The following RAB1B variants were observed in gnomAD, a reference collection of about 807,000 sequenced individuals.
RAB1B encodes ras-related protein Rab-1B.
Under a neutral mutation model 24.8 loss-of-function variants are expected in RAB1B, and 10 were observed. That is an observed-to-expected ratio of 0.40 (90% CI 0.25 to 0.68). RAB1B has a LOEUF of 0.68. Among genes scored for constraint, RAB1B ranks in the 30% least tolerant of loss-of-function variants. RAB1B has a pLI of 0.37. For missense variants in RAB1B, 154 were observed against 271.2 expected, an observed-to-expected ratio of 0.57 and a Z score of 3.04; for synonymous variants, 99 against 111.7, an observed-to-expected ratio of 0.89 and a Z score of 0.72.
chr11:66,276,210 T>C lies in RAB1B; in HGVS notation c.578T>C (p.Val193Ala). The change falls in exon 6 of 6, where the codon GTA becomes GCA. Residue 193 changes from valine to alanine, a missense_variant. Physicochemically the swap from Val to Ala is moderately conservative, Grantham distance 64 (BLOSUM62 0). This residue lies in a region of RAB1B where 77 missense variants were observed against 97.8 expected (regional missense o/e 0.79). Coordinates refer to ENST00000311481, the MANE Select transcript of RAB1B (RefSeq NM_030981.3). ...RPNLKIDSTP[V>A]KPAGGGCC is the part of the protein sequence containing the mutation. The stretch of plus-strand genomic sequence containing the variant: ...AATCTCAAGATCGACAGCACCCCTG[T>C]AAAGCCGGCTGGCGGTGGCTGTTGC... 6.3e-7 allele frequency: 1 copy of C among 1,598,298 alleles called. No homozygotes were observed. Among genetic ancestry groups the C allele is most frequent in the Non-Finnish European group, 8.5e-7 (1 of 1,174,888 alleles).
chr11:66,274,498 G>A (rs1857110218), intron 4 of RAB1B, among the ~76,000 whole-genome samples: 1 of 152,144 alleles, frequency 6.6e-6, no homozygotes, highest in African/African-American at 2.4e-5. Context: ...TGCTTCCCTG[G>A]CTCAGTGCAC....
chr11:66,275,652 G>GA, intron 4 of RAB1B, 152 bp from the exon 5 acceptor site: 1 of 828,040 alleles, frequency 1.2e-6, no homozygotes, highest in Non-Finnish European at 1.8e-6. Flanking sequence ...GTTCAGCCTG[G>GA]AGCAGAGGGC....
intron 1 of RAB1B, chr11:66,269,878 T>C (rs1308988462): frequency 6.6e-6 from 1 of 152,172 alleles, no homozygotes; most frequent in African/African-American, 2.4e-5. Context: ...TTTTGCCTTT[T>C]TTTTTTTTTA....
chr11:66,272,869 A>T (rs1857083776), intron 4 of RAB1B, among the ~76,000 whole-genome samples: 1 of 152,230 alleles, frequency 6.6e-6, no homozygotes, highest in Non-Finnish European at 1.5e-5. Flanking sequence ...GGCCTTAGAC[A>T]AAGAAGCAGG....
At chr11:66,268,831 C>CA in intron 1 of RAB1B, 138 bp downstream of exon 1, 2 of 928,904 alleles carry the variant, frequency 2.2e-6, no homozygotes, top group Admixed American at 4.5e-5. Flanking sequence ...GACCCCCCCC[C>CA]ACATCCGGGT....
At chr11:66,272,652 A>G (rs1857079716) in intron 4 of RAB1B, 192 bp downstream of exon 4, 2 of 445,122 alleles carry the variant, frequency 4.5e-6, no homozygotes, top group South Asian at 8.0e-5. Flanking sequence ...GGAGGGAAAC[A>G]GCCACAGAAA....
intron 4 of RAB1B, among the ~76,000 whole-genome samples, chr11:66,274,880 C>T (rs776444086): frequency 1.3e-5 from 2 of 151,700 alleles, no homozygotes. Context: ...CACATGCTGG[C>T]TCCCCAGCTG....
rs201011194 is a variant in RAB1B, at chr11:66,275,959, G to A, written c.411+24G>A. On this transcript the variant is annotated intron_variant, in intron 5 of 5. Transcript: ENST00000311481. ...AGGTAGCAGACGGGCCGGTCTGCCC[G>A]GGGTCGGGGCGCTGGGGCCTGCTGC... is the stretch of plus-strand genomic sequence containing the variant. The A allele has an allele frequency of 1.9e-3, 2,997 of 1,610,136 alleles. 4 individuals carry two copies. Among genetic ancestry groups the A allele is most frequent in the Non-Finnish European group, 2.3e-3 (2,732 of 1,178,718 alleles).
intron 2 of RAB1B, 61 bp from the exon 3 acceptor site, chr11:66,272,096 G>T: frequency 8.0e-7 from 1 of 1,254,294 alleles, no homozygotes. Flanking sequence ...CTGGAGGGAG[G>T]CTCTCCAAGT....
intron 1 of RAB1B, among the ~76,000 whole-genome samples, 161 bp downstream of exon 1, chr11:66,268,854 C>A (rs1020135027): frequency 6.9e-6 from 1 of 144,448 alleles, no homozygotes; most frequent in African/African-American, 2.5e-5. Flanking sequence ...TGCCCCTCCC[C>A]CCAGGGGCCC....
At chr11:66,271,748 T>C (rs368502429) in intron 1 of RAB1B, 49 bp from the exon 2 acceptor site, 1 of 1,298,990 alleles carries the variant, frequency 7.7e-7, no homozygotes, top group Non-Finnish European at 1.1e-6. Context: ...AGGATGATGG[T>C]AGGTGGGCTC....
chr11:66,274,259 C>T (rs1371438871), intron 4 of RAB1B, among the ~76,000 whole-genome samples: 3 of 152,164 alleles, frequency 2.0e-5, no homozygotes, highest in African/African-American at 7.2e-5. Flanking sequence ...AAATCTGTCC[C>T]CTCATAATAA....
chr11:66,271,699 A>G, intron 1 of RAB1B, 98 bp from the exon 2 acceptor site: 2 of 816,488 alleles, frequency 2.4e-6, no homozygotes, highest in Non-Finnish European at 4.2e-6. Context: ...AAACCAAGGG[A>G]TGCCTCATGG....
At chr11:66,269,542 C>T (rs989584953) in intron 1 of RAB1B, among the ~76,000 whole-genome samples, 8 of 152,212 alleles carry the variant, frequency 5.3e-5, no homozygotes, top group African/African-American at 1.7e-4. Flanking sequence ...CTGCCACTTC[C>T]TTTTTCTACT....
intron 4 of RAB1B, 134 bp downstream of exon 4, chr11:66,272,594 T>G: frequency 1.7e-6 from 1 of 589,794 alleles, no homozygotes; most frequent in Non-Finnish European, 2.9e-6. Flanking sequence ...AGGAACTAAC[T>G]AGGAAAAAGA....
At position 66,276,181 on chromosome 11, in the gene RAB1B, G is replaced by T. The variant is rs1857140856; in HGVS notation, c.549G>T (p.Arg183=). The change falls in exon 6 of 6, where the codon CGG becomes CGT. Residue 183 remains arginine, a synonymous_variant. Coordinates refer to ENST00000311481, the MANE Select transcript of RAB1B (RefSeq NM_030981.3). ...CTGGAGCAGCCTCTGGGGGCGAGCG[G>T]CCCAATCTCAAGATCGACAGCACCC... ...MGPGAASGGE[R]PNLKIDSTPV... 6.2e-7 allele frequency: 1 copy of T among 1,605,474 alleles called. No homozygotes were observed. Among genetic ancestry groups the T allele is most frequent in the Non-Finnish European group, 8.5e-7 (1 of 1,177,698 alleles).
At chr11:66,273,504 C>CT (rs1326630291) in intron 4 of RAB1B, among the ~76,000 whole-genome samples, 4 of 152,232 alleles carry the variant, frequency 2.6e-5, no homozygotes, top group Admixed American at 2.0e-4. Flanking sequence ...ACTCGATTCT[C>CT]TATTGTCAGT....
rs201623832 is a variant in RAB1B at position 66,271,779 on chromosome 11, C to G, written c.15-18C>G. The G allele has an allele frequency of 6.2e-7, 1 of 1,609,304 alleles. No individual in the cohort carries two copies. Among genetic ancestry groups the G allele is most frequent in the African/African-American group, 1.3e-5 (1 of 74,930 alleles). On this transcript the variant is annotated intron_variant, in intron 1 of 5. Coordinates refer to ENST00000311481, the MANE Select transcript of RAB1B (RefSeq NM_030981.3). ...GGCTCCCTGCCTCCCTTCACGCCTT[C>G]CCATCTTCTCTCTCCAGTGACTACC...
intron 4 of RAB1B, among the ~76,000 whole-genome samples, chr11:66,272,804 T>C (rs2134863339): frequency 6.6e-6 from 1 of 152,250 alleles, no homozygotes; most frequent in Non-Finnish European, 1.5e-5. Flanking sequence ...GGTTGGCTGC[T>C]ATGCTGGGCC....
Sources: gnomAD v4.1 joint callset for allele counts (sites outside exome capture counted in the v4.1 genomes callset) on GRCh38, gnomAD v4.1.1 for gene constraint, gnomAD v4.1.1 regional missense constraint, MANE v1.5 for transcripts, NCBI Gene and HGNC (gene_info 2026-07-23, HGNC 2026-07-21) for gene names.